Variants in TMEM131 observed in about 807,000 individuals in gnomAD.
TMEM131 encodes the protein transmembrane protein 131, also known as 2610524E03Rik.
Under a neutral mutation model 211.6 loss-of-function variants are expected in TMEM131, and 66 were observed. That is an observed-to-expected ratio of 0.31 (90% CI 0.26 to 0.38). TMEM131 has a LOEUF of 0.38. Ranked by LOEUF, TMEM131 falls within the 10% of genes least tolerant of loss-of-function variation. TMEM131 has a pLI of 1.00. For synonymous variants in TMEM131, 844 were observed against 841.3 expected (o/e 1.00, Z -0.06); for missense variants, 2,036 against 2,299.3 (o/e 0.89, Z 2.34).
chr2:97,761,747 T>A, intron 36 of TMEM131: 1 of 312,310 alleles, frequency 3.2e-6, no homozygotes, highest in Non-Finnish European at 5.9e-6. Flanking sequence ...TAGTAAATGT[T>A]CATTGGCTCA....
At position 97,772,428 on chromosome 2, in the gene TMEM131, T is replaced by TA; in HGVS notation, c.4321-5dup. 1.2e-6 allele frequency: 2 copies of TA among 1,609,302 alleles called. No homozygotes were observed. Among genetic ancestry groups the TA allele is most frequent in the Non-Finnish European group, 1.7e-6 (2 of 1,178,752 alleles). ...TTCCCTTTTGCTTTTCTGTATCCTG[T>TA]AAAAAATGGACACTTAATTGCTGAG... On this transcript the variant is annotated splice_polypyrimidine_tract_variant and splice_region_variant and intron_variant, in intron 32 of 40. Transcript: ENST00000186436.
At chr2:97,966,174 C>T (rs1679048495) in intron 1 of TMEM131, among the ~76,000 whole-genome samples, 1 of 151,664 alleles carries the variant, frequency 6.6e-6, no homozygotes. Context: ...ACAATGCATA[C>T]ACTGAACATG....
intron 1 of TMEM131, among the ~76,000 whole-genome samples, chr2:97,957,111 A>G (rs1678607091): frequency 6.6e-6 from 1 of 151,870 alleles, no homozygotes; most frequent in Non-Finnish European, 1.5e-5. Context: ...AAAAAAAAAA[A>G]AGTTATCCTA....
chr2:97,802,467 T>C lies in TMEM131; in HGVS notation c.2612A>G (p.Tyr871Cys). ...VYVQFIPLALYSNPSVFVDKL... is the reference protein window; with the variant it reads ...VYVQFIPLALCSNPSVFVDKL... ...ATCTACAAACACTGAAGGGTTGGAATATAAAGCCAGAGGAATAAACTGAAC... is the reference window on the plus strand; with the variant it reads ...ATCTACAAACACTGAAGGGTTGGAACATAAAGCCAGAGGAATAAACTGAAC... Residue 871 changes from tyrosine (Y) to cysteine (C), a missense_variant, in exon 24 of 41, where the codon TAT becomes TGT. Physicochemically the swap from Tyr to Cys is radical, Grantham distance 194 (BLOSUM62 -2). Transcript: ENST00000186436. 1 of 1,612,264 alleles carries C rather than the reference T, an allele frequency of 6.2e-7. No individual in the cohort carries two copies. Among genetic ancestry groups the C allele is most frequent in the South Asian group, 1.1e-5 (1 of 90,586 alleles).
intron 2 of TMEM131, among the ~76,000 whole-genome samples, chr2:97,918,461 T>C (rs549443888): frequency 1.4e-4 from 22 of 152,298 alleles, no homozygotes; most frequent in African/African-American, 4.8e-4. Flanking sequence ...AATTTAAACC[T>C]AATCAAGACT....
intron 38 of TMEM131, 147 bp downstream of exon 38, chr2:97,760,446 T>C (rs1678768095): frequency 2.6e-6 from 2 of 756,192 alleles, no homozygotes; most frequent in South Asian, 1.8e-5. Flanking sequence ...GCAGACATGA[T>C]TTCTTAGAGG....
chr2:97,827,960 T>G (rs1682478962), intron 11 of TMEM131, among the ~76,000 whole-genome samples: 1 of 152,370 alleles, frequency 6.6e-6, no homozygotes, highest in Non-Finnish European at 1.5e-5. Context: ...TTTAGTAGAA[T>G]TGTTTCCTAA....
intron 12 of TMEM131, among the ~76,000 whole-genome samples, chr2:97,816,880 T>C (rs1681852485): frequency 6.6e-6 from 1 of 152,208 alleles, no homozygotes; most frequent in South Asian, 2.1e-4. Flanking sequence ...AGGTGCATTC[T>C]AACAATATTA....
At chr2:97,820,235 T>G (rs1682047380) in intron 11 of TMEM131, among the ~76,000 whole-genome samples, 1 of 152,224 alleles carries the variant, frequency 6.6e-6, no homozygotes, top group African/African-American at 2.4e-5. Context: ...TGGGAATGAT[T>G]TGTTCATGTA....
In TMEM131 at chr2:97,805,709, G is replaced by A. The variant is rs947379201; in HGVS notation, c.2056-6C>T. On this transcript the variant is annotated splice_region_variant and splice_polypyrimidine_tract_variant and intron_variant, in intron 19 of 40. Coordinates refer to ENST00000186436, the MANE Select transcript of TMEM131 (RefSeq NM_015348.2). ...CTTTGATGAACTATTTTCCCCTGAAGGAAGAAAGCAAAGAACAAACTCATT... is the reference window on the plus strand; with the variant it reads ...CTTTGATGAACTATTTTCCCCTGAAAGAAGAAAGCAAAGAACAAACTCATT... The A allele has an allele frequency of 6.3e-7, 1 of 1,579,050 alleles. No homozygotes were observed. Among genetic ancestry groups the A allele is most frequent in the African/African-American group, 1.4e-5 (1 of 73,342 alleles).
intron 3 of TMEM131, among the ~76,000 whole-genome samples, chr2:97,893,677 G>A (rs978810682): frequency 2.0e-5 from 3 of 151,830 alleles, no homozygotes; most frequent in South Asian, 4.1e-4. Context: ...TTTGTTGGCC[G>A]CATAAATGTC....
At chr2:97,921,431 G>T (rs565672118) in intron 2 of TMEM131, among the ~76,000 whole-genome samples, 1 of 152,152 alleles carries the variant, frequency 6.6e-6, no homozygotes, top group Non-Finnish European at 1.5e-5. Context: ...ACGACCTTGG[G>T]ATAGAAAAAC....
chr2:97,794,892 T>A, intron 29 of TMEM131, 38 bp downstream of exon 29: 2 of 1,515,156 alleles, frequency 1.3e-6, no homozygotes, highest in Middle Eastern at 3.4e-4. Flanking sequence ...CAGTGTTAAA[T>A]GTTGAATGAA....
chr2:97,772,539 T>A, intron 32 of TMEM131, 115 bp from the exon 33 acceptor site: 1 of 1,203,732 alleles, frequency 8.3e-7, no homozygotes, highest in Non-Finnish European at 1.1e-6. Context: ...ATCATATACG[T>A]AAAAACAAAC....
intron 3 of TMEM131, among the ~76,000 whole-genome samples, chr2:97,895,140 T>G (rs1013808757): frequency 6.6e-6 from 1 of 152,204 alleles, no homozygotes; most frequent in Non-Finnish European, 1.5e-5. Flanking sequence ...ATGTGGTTTT[T>G]GTCGTTGGTT....
At chr2:97,879,750 G>A (rs1451175473) in intron 4 of TMEM131, among the ~76,000 whole-genome samples, 1 of 151,814 alleles carries the variant, frequency 6.6e-6, no homozygotes. Context: ...TTTTTTTTTA[G>A]CTTCCTTTAT....
chr2:97,822,191 G>T (rs564572522), intron 11 of TMEM131, among the ~76,000 whole-genome samples: 1 of 151,998 alleles, frequency 6.6e-6, no homozygotes, highest in Admixed American at 6.6e-5. Flanking sequence ...TAAACTCCAG[G>T]ACTCTATTCC....
intron 4 of TMEM131, among the ~76,000 whole-genome samples, chr2:97,883,520 T>C (rs1238133348): frequency 6.6e-6 from 1 of 152,202 alleles, no homozygotes; most frequent in Non-Finnish European, 1.5e-5. Context: ...TGTCATAGAC[T>C]GATTCTTTTA....
intron 1 of TMEM131, among the ~76,000 whole-genome samples, chr2:97,935,398 G>C (rs1203487631): frequency 6.6e-6 from 1 of 152,170 alleles, no homozygotes; most frequent in Non-Finnish European, 1.5e-5. Flanking sequence ...AACAGTGTAT[G>C]ATTCTAAAAT....
Sources: gnomAD v4.1 joint callset for allele counts (sites outside exome capture counted in the v4.1 genomes callset) on GRCh38, gnomAD v4.1.1 for gene constraint, MANE v1.5 for transcripts, NCBI Gene and HGNC (gene_info 2026-07-23, HGNC 2026-07-21) for gene names.